Variants in MYO1D observed in about 807,000 individuals in gnomAD.
The protein encoded by MYO1D is unconventional myosin-Id.
MYO1D carries 83 observed loss-of-function variants against 122.0 expected under a neutral mutation model. The ratio of observed to expected loss-of-function variants is 0.68; its 90% CI spans 0.57 to 0.82. The LOEUF is 0.82. Ranked by LOEUF, MYO1D falls within the 40% of genes least tolerant of loss-of-function variation. MYO1D has a pLI of 0.00. For missense variants in MYO1D, 1,157 were observed against 1,269.5 expected, an observed-to-expected ratio of 0.91 and a Z score of 1.35; for synonymous variants, 464 against 446.9, an observed-to-expected ratio of 1.04 and a Z score of -0.48.
chr17:32,567,397 T>C (rs543585937), intron 21 of MYO1D, among the ~76,000 whole-genome samples: 2 of 152,342 alleles, frequency 1.3e-5, no homozygotes, highest in South Asian at 4.1e-4. Context: ...ACTAAGCACC[T>C]ACATGTGCCA....
At chr17:32,749,044 A>AT in intron 11 of MYO1D, 38 bp from the exon 12 acceptor site, 3 of 1,553,742 alleles carry the variant, frequency 1.9e-6, no homozygotes, top group Non-Finnish European at 1.8e-6. Context: ...GAAAACAGAC[A>AT]TTTTTGCTTT....
chr17:32,826,840 G>A (rs1300693524), intron 1 of MYO1D, among the ~76,000 whole-genome samples: 1 of 152,086 alleles, frequency 6.6e-6, no homozygotes, highest in Non-Finnish European at 1.5e-5. Flanking sequence ...TACAATCATA[G>A]TTGAAAACAT....
chr17:32,829,831 A>G (rs1239910809), intron 1 of MYO1D, among the ~76,000 whole-genome samples: 1 of 152,192 alleles, frequency 6.6e-6, no homozygotes, highest in Non-Finnish European at 1.5e-5. Flanking sequence ...ATTTTTGTGA[A>G]GCAGAAATGA....
At chr17:32,584,478 T>G (rs1301798614) in intron 21 of MYO1D, among the ~76,000 whole-genome samples, 1 of 152,084 alleles carries the variant, frequency 6.6e-6, no homozygotes, top group African/African-American at 2.4e-5. Context: ...CCACTGCCAC[T>G]GTTGTGAAAT....
chr17:32,852,826 CT>C (rs553298158), intron 1 of MYO1D, among the ~76,000 whole-genome samples: 73 of 152,116 alleles, frequency 4.8e-4, no homozygotes, highest in Admixed American at 1.0e-3. Flanking sequence ...TCCAAAAGAC[CT>C]TTTTGTGAAA....
intron 14 of MYO1D, among the ~76,000 whole-genome samples, chr17:32,721,874 G>C (rs1013786066): frequency 6.6e-6 from 1 of 152,122 alleles, no homozygotes; most frequent in Non-Finnish European, 1.5e-5. Context: ...ATAGATCCTG[G>C]TACACTGAAG....
intron 1 of MYO1D, chr17:32,794,346 G>A (rs2090391130): frequency 6.6e-6 from 1 of 152,106 alleles, no homozygotes; most frequent in African/African-American, 2.4e-5. Flanking sequence ...GAGATGCCTA[G>A]ATGAATTATC....
chr17:32,509,641 G>T (rs1292678432), intron 21 of MYO1D, among the ~76,000 whole-genome samples: 1 of 151,794 alleles, frequency 6.6e-6, no homozygotes, highest in Non-Finnish European at 1.5e-5. Context: ...CTGGAGTGCA[G>T]TGGTGCGATC....
chr17:32,622,579 G>A (rs2087867122), intron 20 of MYO1D, among the ~76,000 whole-genome samples: 1 of 152,158 alleles, frequency 6.6e-6, no homozygotes, highest in Admixed American at 6.5e-5. Context: ...GCCTTTTAAA[G>A]TTATATTTGG....
chr17:32,767,580 G>C, intron 7 of MYO1D, 56 bp downstream of exon 7: 6 of 1,177,596 alleles, frequency 5.1e-6, no homozygotes, highest in Non-Finnish European at 7.2e-6. Flanking sequence ...AATCTTCTGA[G>C]AAAGCATCCT....
intron 16 of MYO1D, among the ~76,000 whole-genome samples, chr17:32,698,883 A>T (rs1643568034): frequency 6.6e-6 from 1 of 152,244 alleles, no homozygotes. Context: ...AAATAAATAT[A>T]AGAACATATA....
intron 1 of MYO1D, among the ~76,000 whole-genome samples, chr17:32,832,364 A>T (rs199629608): frequency 6.6e-6 from 1 of 150,574 alleles, no homozygotes; most frequent in Admixed American, 6.6e-5. Flanking sequence ...GCAGTGGCAC[A>T]ATCTTGGCTC....
chr17:32,639,747 C>T (rs1361099101), intron 19 of MYO1D, among the ~76,000 whole-genome samples: 6 of 151,958 alleles, frequency 3.9e-5, no homozygotes, highest in African/African-American at 9.7e-5. Context: ...TGAACCACTA[C>T]GATATCATGT....
chr17:32,530,391 T>C (rs1597879192), intron 21 of MYO1D, among the ~76,000 whole-genome samples: 1 of 152,188 alleles, frequency 6.6e-6, no homozygotes, highest in South Asian at 2.1e-4. Context: ...TATTTTAAAA[T>C]TACATGATGA....
intron 21 of MYO1D, among the ~76,000 whole-genome samples, chr17:32,522,027 G>A (rs375067741): frequency 6.0e-5 from 9 of 149,336 alleles, no homozygotes; most frequent in East Asian, 3.9e-4. Context: ...AGTTGCAGTG[G>A]GCTGAGATCA....
At chr17:32,727,666 T>C (rs1056916650) in intron 14 of MYO1D, 3 of 152,186 alleles carry the variant, frequency 2.0e-5, no homozygotes, top group South Asian at 4.2e-4. Flanking sequence ...AAGAGTCAAA[T>C]AGAAGCATTA....
intron 20 of MYO1D, among the ~76,000 whole-genome samples, chr17:32,631,525 C>T (rs558829097): frequency 1.5e-3 from 222 of 152,070 alleles, no homozygotes; most frequent in African/African-American, 5.2e-3. Context: ...CGTGCATCTG[C>T]AGTCCTAGCT....
chr17:32,659,554 A>G (rs1278430141), intron 16 of MYO1D: 3 of 576,664 alleles, frequency 5.2e-6, no homozygotes, highest in South Asian at 2.0e-5. Context: ...CTAGCTGCTC[A>G]TTATTCTACA....
Position 32,695,227 on chromosome 17 carries a change from C to T in MYO1D, c.2121+16761G>A, listed in dbSNP as rs560484842. ...TCAGGCATTAGATTCTCATAAAGAG[C>T]GCACAGCCTAGATCCCTTGCATGCG... On this transcript the variant is annotated intron_variant, in intron 16 of 21. Coordinates refer to ENST00000318217, the MANE Select transcript of MYO1D (RefSeq NM_015194.3). Among the ~76,000 whole-genome samples the T allele has an allele frequency of 1.3e-4, 20 of 152,328 alleles. No individual in the cohort carries two copies. The East Asian group carries it at 2.1e-3, about 16-fold the overall frequency.
Sources: gnomAD v4.1 joint callset for allele counts (sites outside exome capture counted in the v4.1 genomes callset) on GRCh38, gnomAD v4.1.1 for gene constraint, MANE v1.5 for transcripts, NCBI Gene and HGNC (gene_info 2026-07-23, HGNC 2026-07-21) for gene names.